The following DMD variants were observed in gnomAD, a reference collection of about 807,000 sequenced individuals.
DMD encodes mutant dystrophin.
DMD carries 63 observed loss-of-function variants against 330.1 expected under a neutral mutation model. The ratio of observed to expected loss-of-function variants is 0.19; its 90% CI spans 0.16 to 0.24. The LOEUF (loss-of-function observed/expected upper bound fraction) is 0.24, where lower values mean the gene tolerates loss of function less well. Among genes scored for constraint, DMD ranks in the 10% least tolerant of loss-of-function variants. The probability of loss-of-function intolerance (pLI) is 1.00; values close to 1 mark genes in which losing one functional copy is unlikely to be tolerated. For missense variants in DMD, 3,344 were observed against 2,684.1 expected, an observed-to-expected ratio of 1.25 and a Z score of -5.43; for synonymous variants, 1,223 against 959.8, an observed-to-expected ratio of 1.27 and a Z score of -5.07.
At chrX:33,289,437 A>G (rs904984692) in intron 1 of DMD, among the ~76,000 whole-genome samples, 5 of 111,280 alleles carry the variant, frequency 4.5e-5, no homozygotes, top group African/African-American at 1.6e-4. Flanking sequence ...CATTCAATAT[A>G]TTTTAAAAAC....
At chrX:31,874,455 C>G (rs1285208051) in intron 48 of DMD, among the ~76,000 whole-genome samples, 1 of 111,207 alleles carries the variant, frequency 9.0e-6, no homozygotes, top group Non-Finnish European at 1.9e-5. Context: ...GATAAGGAAT[C>G]TATGAATATG....
intron 59 of DMD, among the ~76,000 whole-genome samples, chrX:31,453,788 A>AAAAAAAC (rs1556646267): frequency 1.0e-4 from 11 of 105,003 alleles, no homozygotes; most frequent in African/African-American, 3.8e-4. Context: ...AAAAAAAAAA[A>AAAAAAAC]AACCACAAAA....
chrX:32,265,779 T>C (rs1195357136), intron 43 of DMD, among the ~76,000 whole-genome samples: 1 of 112,315 alleles, frequency 8.9e-6, no homozygotes. Flanking sequence ...GCCCCTTTGT[T>C]TGGGCCAATT....
At chrX:32,902,876 G>A (rs1294483456) in intron 2 of DMD, among the ~76,000 whole-genome samples, 2 of 109,961 alleles carry the variant, frequency 1.8e-5, no homozygotes, top group African/African-American at 6.7e-5. Flanking sequence ...AAGAAATTTG[G>A]CCAGGTGCGG....
chrX:32,999,806 C>CAA (rs375961835), intron 2 of DMD, among the ~76,000 whole-genome samples: 17 of 97,601 alleles, frequency 1.7e-4, no homozygotes, highest in Non-Finnish European at 3.0e-4. Flanking sequence ...AAACAAAAAA[C>CAA]AAAAAAAAAA....
chrX:31,526,240 T>C (rs2073231042), intron 55 of DMD, among the ~76,000 whole-genome samples: 1 of 112,474 alleles, frequency 8.9e-6, no homozygotes, highest in Non-Finnish European at 1.9e-5. Flanking sequence ...CTTTGACTTT[T>C]TGGAGAGGCA....
chrX:32,739,546 G>A (rs902056436), intron 7 of DMD, among the ~76,000 whole-genome samples: 3 of 111,636 alleles, frequency 2.7e-5, no homozygotes. Flanking sequence ...AGGTTTGTAG[G>A]AAAGATATTT....
At chrX:31,227,283 A>G (rs2046706413) in intron 63 of DMD, among the ~76,000 whole-genome samples, 1 of 111,586 alleles carries the variant, frequency 9.0e-6, no homozygotes, top group African/African-American at 3.3e-5. Context: ...TCCAAGTGGG[A>G]GAGGCAAGAA....
At chrX:31,896,915 T>G (rs990066745) in intron 47 of DMD, among the ~76,000 whole-genome samples, 5 of 111,112 alleles carry the variant, frequency 4.5e-5, no homozygotes, top group Non-Finnish European at 7.6e-5. Flanking sequence ...TTTGCTTTTT[T>G]CTTTTTTTTT....
chrX:32,644,068 T>C (rs1331202234), intron 11 of DMD, 64 bp downstream of exon 11: 56 of 997,449 alleles, frequency 5.6e-5, no homozygotes, highest in Non-Finnish European at 7.6e-5. Context: ...TCAAACCACA[T>C]CAAAATAATC....
At chrX:31,714,716 G>A (rs1026149355) in intron 52 of DMD, among the ~76,000 whole-genome samples, 3 of 111,243 alleles carry the variant, frequency 2.7e-5, no homozygotes, top group Non-Finnish European at 5.7e-5. Context: ...GCTTGTTGAC[G>A]TATATATTTA....
At chrX:32,726,820 TATAA>T (rs1486357818) in intron 7 of DMD, among the ~76,000 whole-genome samples, 1 of 110,588 alleles carries the variant, frequency 9.0e-6, no homozygotes, top group Non-Finnish European at 1.9e-5. Flanking sequence ...TCAAAGAAAT[TATAA>T]ATATATAAGA....
At chrX:32,969,143 C>A (rs1287435669) in intron 2 of DMD, among the ~76,000 whole-genome samples, 1 of 106,264 alleles carries the variant, frequency 9.4e-6, no homozygotes, top group Non-Finnish European at 1.9e-5. Context: ...CACAAGACAC[C>A]TAACATGCTG....
intron 67 of DMD, among the ~76,000 whole-genome samples, chrX:31,193,199 C>T (rs530755242): frequency 2.7e-5 from 3 of 112,181 alleles, no homozygotes; most frequent in South Asian, 7.4e-4. Context: ...TTTCATGTTA[C>T]GTGTTTTAAT....
At chrX:32,332,095 T>C (rs1042995978) in intron 41 of DMD, among the ~76,000 whole-genome samples, 12 of 111,839 alleles carry the variant, frequency 1.1e-4, no homozygotes, top group African/African-American at 3.2e-4. Context: ...ATGATTAGTA[T>C]AAAATTCTTA....
At chrX:32,809,939 AAAAAAAAGAAAGAAAG>A (rs1238771765) in intron 6 of DMD, among the ~76,000 whole-genome samples, 4 of 91,344 alleles carry the variant, frequency 4.4e-5, no homozygotes, top group Non-Finnish European at 8.4e-5. Flanking sequence ...AAAAAAAAAA[AAAAAAAAGAAAGAAAG>A]AAAGAAAGAA....
In DMD at chrX:31,496,772, C is replaced by T. The variant is rs199669629; in HGVS notation, c.8547+16G>A. On this transcript the variant is annotated intron_variant, in intron 57 of 78. Coordinates refer to ENST00000357033, the MANE Select transcript of DMD (RefSeq NM_004006.3). ...TGCTTAACATGTGCAAGGCACGAGGCTTAAAAATGTCCTACCCTATGTACA... is the reference window on the plus strand; with the variant it reads ...TGCTTAACATGTGCAAGGCACGAGGTTTAAAAATGTCCTACCCTATGTACA... 1.9e-5 allele frequency: 23 copies of T among 1,211,791 alleles called. No homozygotes were observed. The highest frequency in any genetic ancestry group is 2.3e-5 in the Non-Finnish European group (21 of 895,278).
intron 9 of DMD, among the ~76,000 whole-genome samples, chrX:32,653,660 T>C (rs574864954): frequency 6.2e-5 from 7 of 112,138 alleles, no homozygotes; most frequent in African/African-American, 1.9e-4. Flanking sequence ...TGGTTCCATA[T>C]GAACTTTAAA....
intron 7 of DMD, among the ~76,000 whole-genome samples, chrX:32,731,000 C>G (rs145292749): frequency 0.011 from 1,195 of 111,581 alleles, 20 homozygotes; most frequent in African/African-American, 0.037. Context: ...TCTGAGGTAC[C>G]AGGTTCATCT....
Sources: gnomAD v4.1 joint callset for allele counts (sites outside exome capture counted in the v4.1 genomes callset) on GRCh38, gnomAD v4.1.1 for gene constraint, MANE v1.5 for transcripts, NCBI Gene and HGNC (gene_info 2026-07-23, HGNC 2026-07-21) for gene names.